NDST4: variants seen among roughly 807,000 people sequenced by gnomAD.
NDST4 encodes N-deacetylase and N-sulfotransferase 4, also known as N-heparan sulfate sulfotransferase 4.
A neutral mutation model predicts 100.8 loss-of-function variants in NDST4; 63 were observed. The observed-to-expected ratio is 0.62, with a 90% CI of 0.51 to 0.77. NDST4 has a LOEUF of 0.77. Ranked by LOEUF, NDST4 falls within the 30% of genes least tolerant of loss-of-function variation. The probability of loss-of-function intolerance (pLI) is 0.00; values close to 1 mark genes in which losing one functional copy is unlikely to be tolerated. For synonymous variants in NDST4, 377 were observed against 361.8 expected (o/e 1.04, Z -0.48); for missense variants, 943 against 1,018.4 (o/e 0.93, Z 1.01).
intron 6 of NDST4, among the ~76,000 whole-genome samples, chr4:114,902,960 A>G (rs1020136201): frequency 1.2e-4 from 19 of 152,064 alleles, no homozygotes; most frequent in African/African-American, 4.1e-4. Context: ...ACAACATTAC[A>G]TCTATTTACA....
chr4:114,993,219 T>G (rs11734611), intron 2 of NDST4, among the ~76,000 whole-genome samples: 67,791 of 151,530 alleles, frequency 0.45, 16,715 homozygotes, highest in Non-Finnish European at 0.58. Context: ...CTAGGATTTT[T>G]GGGAATATAG....
At chr4:115,081,545 G>A (rs143057218) in intron 1 of NDST4, among the ~76,000 whole-genome samples, 1,826 of 152,154 alleles carry the variant, frequency 0.012, 36 homozygotes, top group African/African-American at 0.042. Context: ...ATCTTAAGTC[G>A]TTACCATAAG....
At chr4:115,095,931 C>T (rs1729612855) in intron 1 of NDST4, among the ~76,000 whole-genome samples, 1 of 152,040 alleles carries the variant, frequency 6.6e-6, no homozygotes, top group Admixed American at 6.6e-5. Flanking sequence ...GCTCACTTCA[C>T]CTGTTAATCC....
chr4:114,924,927 G>T (rs570658661), intron 6 of NDST4, among the ~76,000 whole-genome samples: 1 of 152,054 alleles, frequency 6.6e-6, no homozygotes, highest in East Asian at 1.9e-4. Flanking sequence ...AAATTATACA[G>T]AATGCATTAA....
At chr4:114,880,657 G>C (rs1724348055) in intron 6 of NDST4, among the ~76,000 whole-genome samples, 1 of 152,114 alleles carries the variant, frequency 6.6e-6, no homozygotes, top group African/African-American at 2.4e-5. Flanking sequence ...GTGCCTGGCA[G>C]TCTATTAGAA....
At chr4:115,079,604 T>C (rs1729260280) in intron 1 of NDST4, among the ~76,000 whole-genome samples, 1 of 152,180 alleles carries the variant, frequency 6.6e-6, no homozygotes, top group African/African-American at 2.4e-5. Context: ...CAATGTGTGA[T>C]ATATATATTT....
intron 2 of NDST4, among the ~76,000 whole-genome samples, chr4:115,058,945 G>A (rs995541712): frequency 6.6e-6 from 1 of 151,252 alleles, no homozygotes; most frequent in Non-Finnish European, 1.5e-5. Context: ...CAGAATAGAT[G>A]GGAATAGCTG....
intron 1 of NDST4, among the ~76,000 whole-genome samples, chr4:115,108,755 C>T (rs2110346979): frequency 6.6e-6 from 1 of 151,878 alleles, no homozygotes; most frequent in Middle Eastern, 3.4e-3. Context: ...AATAAATCTC[C>T]CACCCTATTT....
chr4:115,004,910 A>G (rs1361857577), intron 2 of NDST4, among the ~76,000 whole-genome samples: 1 of 152,184 alleles, frequency 6.6e-6, no homozygotes, highest in Non-Finnish European at 1.5e-5. Flanking sequence ...ACAGGAGTTT[A>G]GCTGTATTTA....
At chr4:114,999,944 A>C (rs1032376108) in intron 2 of NDST4, among the ~76,000 whole-genome samples, 1 of 151,898 alleles carries the variant, frequency 6.6e-6, no homozygotes, top group African/African-American at 2.4e-5. Flanking sequence ...TGCCAATCTT[A>C]TGTGTCAATG....
chr4:115,084,545 T>C (rs1397408693), intron 1 of NDST4, among the ~76,000 whole-genome samples: 1 of 152,062 alleles, frequency 6.6e-6, no homozygotes, highest in Admixed American at 6.6e-5. Flanking sequence ...AAAAAATGGA[T>C]TCATGCACCA....
At chr4:114,997,749 G>A (rs1306471020) in intron 2 of NDST4, among the ~76,000 whole-genome samples, 1 of 152,002 alleles carries the variant, frequency 6.6e-6, no homozygotes, top group Non-Finnish European at 1.5e-5. Flanking sequence ...GCATTGAAGT[G>A]AATACTCCAT....
intron 4 of NDST4, among the ~76,000 whole-genome samples, chr4:114,938,416 T>C (rs1353190413): frequency 6.6e-6 from 1 of 152,358 alleles, no homozygotes; most frequent in Non-Finnish European, 1.5e-5. Flanking sequence ...AATGGGATTA[T>C]ATTGCTAGGT....
At chr4:115,031,705 T>C (rs1374977827) in intron 2 of NDST4, among the ~76,000 whole-genome samples, 1 of 152,136 alleles carries the variant, frequency 6.6e-6, no homozygotes, top group Non-Finnish European at 1.5e-5. Context: ...GAGTGAAAAG[T>C]TGTCCTAGTA....
Position 114,867,665 on chromosome 4 carries a change from CAAAAAAA to C in NDST4, c.1719+3096_1719+3102del. Among the ~76,000 whole-genome samples, 13 of 79,890 alleles carry C rather than the reference CAAAAAAA, an allele frequency of 1.6e-4. No homozygotes were observed. In the South Asian group the frequency reaches 7.4e-3, roughly 45 times the overall value. The allele number at this position is 79,890 out of a possible 152,430, so 52.4% of individuals were successfully genotyped here. A position where few individuals can be genotyped will look rare whatever the true frequency, so the allele number is the denominator to read the frequency against. ...GAATTATAAAAAAAAAAAAAAAAAG[CAAAAAAA>C]AAAAAAAAAAGAAAGAAAAGAAACC... On this transcript the variant is annotated intron_variant, in intron 7 of 13. Coordinates refer to ENST00000264363, the MANE Select transcript of NDST4 (RefSeq NM_022569.3).
chr4:114,937,600 A>T (rs1184462550), intron 4 of NDST4, 97 bp from the exon 5 acceptor site: 3 of 960,704 alleles, frequency 3.1e-6, no homozygotes, highest in African/African-American at 1.7e-5. Flanking sequence ...ATTGAACTCT[A>T]TGCTAAATAT....
intron 7 of NDST4, among the ~76,000 whole-genome samples, chr4:114,858,278 T>C (rs1286346544): frequency 6.6e-6 from 1 of 152,214 alleles, no homozygotes; most frequent in African/African-American, 2.4e-5. Flanking sequence ...GTTTGACATG[T>C]ATTCCAAACA....
chr4:114,959,644 C>G (rs145427480), intron 4 of NDST4, among the ~76,000 whole-genome samples: 1,676 of 152,202 alleles, frequency 0.011, 31 homozygotes, highest in African/African-American at 0.039. Context: ...GGTAGGGACA[C>G]AGCCAAACCA....
In NDST4 at chr4:114,961,331, G is replaced by A. The variant is rs184005073; in HGVS notation, c.1221+9099C>T. ...GTATTAAATATAAAGCAATTAGAAGGAAAGAAATAATAAAGATTAGAACAG... is the reference window on the plus strand; with the variant it reads ...GTATTAAATATAAAGCAATTAGAAGAAAAGAAATAATAAAGATTAGAACAG... On this transcript the variant is annotated intron_variant, in intron 4 of 13. Transcript: ENST00000264363. Among the ~76,000 whole-genome samples, 1,123 of 151,710 alleles carry A rather than the reference G, an allele frequency of 7.4e-3. 15 individuals are homozygous for A. The highest frequency in any genetic ancestry group is 0.017 in the Middle Eastern group (5 of 294).
Sources: gnomAD v4.1 joint callset for allele counts (sites outside exome capture counted in the v4.1 genomes callset) on GRCh38, gnomAD v4.1.1 for gene constraint, MANE v1.5 for transcripts, NCBI Gene and HGNC (gene_info 2026-07-23, HGNC 2026-07-21) for gene names.